MED13L: variants seen among roughly 807,000 people sequenced by gnomAD.
MED13L encodes mediator complex subunit 13L.
Under a neutral mutation model 220.9 loss-of-function variants are expected in MED13L, and 7 were observed. The ratio of observed to expected loss-of-function variants is 0.03; its 90% confidence interval spans 0.02 to 0.06. The LOEUF (loss-of-function observed/expected upper bound fraction) is 0.06. MED13L is among the 10% of genes least tolerant of loss of function. The probability of loss-of-function intolerance (pLI) is 1.00; values close to 1 mark genes in which losing one functional copy is unlikely to be tolerated. For synonymous variants in MED13L, 1,011 were observed against 1,015.2 expected (o/e 1.00, Z 0.08); for missense variants, 1,965 against 2,760.5 (o/e 0.71, Z 6.46).
chr12:116,252,549 T>C (rs925060170), intron 1 of MED13L, among the ~76,000 whole-genome samples: 1 of 151,048 alleles, frequency 6.6e-6, no homozygotes, highest in Non-Finnish European at 1.5e-5. Context: ...AAAATAATAA[T>C]AAAAGGGCAT....
intron 29 of MED13L, 126 bp from the exon 30 acceptor site, chr12:115,963,645 TA>T: frequency 1.4e-6 from 1 of 740,588 alleles, no homozygotes. Context: ...TCTGTGAGTC[TA>T]CAAATTTTAA....
At chr12:116,143,397 G>A (rs1877249036) in intron 2 of MED13L, among the ~76,000 whole-genome samples, 1 of 151,756 alleles carries the variant, frequency 6.6e-6, no homozygotes, top group Non-Finnish European at 1.5e-5. Context: ...CAGAGCCACA[G>A]AAATTTAGCA....
intron 2 of MED13L, among the ~76,000 whole-genome samples, chr12:116,186,572 G>C (rs1170296406): frequency 2.6e-5 from 4 of 152,130 alleles, no homozygotes; most frequent in African/African-American, 7.2e-5. Context: ...GTGACACTAA[G>C]TCCACTATAC....
chr12:115,970,488 G>A, intron 27 of MED13L, 106 bp downstream of exon 27: 8 of 1,181,404 alleles, frequency 6.8e-6, no homozygotes, highest in Non-Finnish European at 8.7e-6. Context: ...ATAGTTCCTG[G>A]GTTGTTTATT....
intron 12 of MED13L, 85 bp from the exon 13 acceptor site, chr12:116,006,078 A>G (rs1879028351): frequency 1.9e-6 from 3 of 1,557,032 alleles, no homozygotes; most frequent in Non-Finnish European, 2.6e-6. Context: ...CTCAATGAAC[A>G]TGACCTGCCT....
chr12:116,062,488 G>GT (rs56251325), intron 4 of MED13L, among the ~76,000 whole-genome samples: 13,746 of 97,376 alleles, frequency 0.14, 1,264 homozygotes, highest in South Asian at 0.2. Flanking sequence ...CTCTCTCTGT[G>GT]TTTTTTTTTT....
At chr12:116,131,987 A>C (rs1003457323) in intron 2 of MED13L, among the ~76,000 whole-genome samples, 2 of 151,998 alleles carry the variant, frequency 1.3e-5, no homozygotes, top group Non-Finnish European at 2.9e-5. Flanking sequence ...CATCTCAAAA[A>C]AAAGAAAAAC....
At chr12:116,116,231 T>C (rs1403063890) in intron 2 of MED13L, among the ~76,000 whole-genome samples, 2 of 152,134 alleles carry the variant, frequency 1.3e-5, no homozygotes, top group East Asian at 3.9e-4. Context: ...CTCAGCCCCC[T>C]ATTCCCCAAC....
intron 1 of MED13L, among the ~76,000 whole-genome samples, chr12:116,239,843 A>C (rs1870455747): frequency 6.6e-6 from 1 of 152,188 alleles, no homozygotes; most frequent in Non-Finnish European, 1.5e-5. Flanking sequence ...TACTTGTATT[A>C]ATACATAGTC....
chr12:116,011,430 TA>T (rs1261269749), intron 9 of MED13L, among the ~76,000 whole-genome samples: 2 of 152,202 alleles, frequency 1.3e-5, no homozygotes, highest in African/African-American at 4.8e-5. Flanking sequence ...TAAAAATGTG[TA>T]AAAGTCAGTA....
intron 2 of MED13L, among the ~76,000 whole-genome samples, chr12:116,159,304 A>G (rs191700975): frequency 4.5e-4 from 69 of 152,348 alleles, no homozygotes; most frequent in African/African-American, 1.6e-3. Flanking sequence ...CATCACAAAA[A>G]CTGTTTCAAT....
intron 16 of MED13L, among the ~76,000 whole-genome samples, chr12:115,995,988 T>C (rs959308126): frequency 3.3e-5 from 5 of 152,224 alleles, no homozygotes; most frequent in African/African-American, 4.8e-5. Flanking sequence ...AAATTTCATT[T>C]AGAAAATAAT....
Position 115,975,150 on chromosome 12 carries a change from ACTT to A in MED13L, c.5731+18_5731+20del, listed in dbSNP as rs1876850649. On this transcript the variant is annotated intron_variant, in intron 25 of 30. Transcript: ENST00000281928. ...CCCTTTTCCTCTGTCTTCTGCAAAT[ACTT>A]CTTCAAAAATTTCTCACCTTTAAGC... 1 of 1,613,514 alleles carries A rather than the reference ACTT, an allele frequency of 6.2e-7. No individual in the cohort carries two copies. The highest frequency in any genetic ancestry group is 2.2e-5 in the East Asian group (1 of 44,864).
intron 2 of MED13L, among the ~76,000 whole-genome samples, chr12:116,180,985 C>T (rs1406279598): frequency 2.1e-5 from 3 of 146,244 alleles, no homozygotes; most frequent in Non-Finnish European, 4.5e-5. Context: ...GGCTGGAGTG[C>T]GGTGGCATGA....
chr12:116,176,856 T>A (rs923319080), intron 2 of MED13L, among the ~76,000 whole-genome samples: 1 of 127,588 alleles, frequency 7.8e-6, no homozygotes, highest in African/African-American at 3.0e-5. Flanking sequence ...GTGGTACATA[T>A]GCAGAATCGA....
Position 116,008,456 on chromosome 12 carries a change from C to G in MED13L, c.1957G>C (p.Gly653Arg), listed in dbSNP as rs2137383701. The G allele has an allele frequency of 1.2e-6, 2 of 1,613,076 alleles. No homozygotes were observed. The highest frequency in any genetic ancestry group is 4.5e-5 in the East Asian group (2 of 44,842). ...DAEFRPPELQGERCDAKMEVN... is the reference protein window; with the variant it reads ...DAEFRPPELQRERCDAKMEVN... ...TCCATTTTGGCATCACATCTCTCACCCTGGAGCTCTGGAGGCCTGAACTCA... is the reference window on the plus strand; with the variant it reads ...TCCATTTTGGCATCACATCTCTCACGCTGGAGCTCTGGAGGCCTGAACTCA... The change falls in exon 10 of 31, where the codon GGT (glycine) becomes CGT (arginine). Residue 653 changes from glycine (G) to arginine (R), a missense_variant. By Grantham distance (125) the Gly-to-Arg change is moderately radical. Around this residue, in one of 10 missense-constraint regions of MED13L, gnomAD observed 818 missense variants for 1,041.2 expected, o/e 0.79. Coordinates refer to ENST00000281928, the MANE Select transcript of MED13L (RefSeq NM_015335.5).
intron 2 of MED13L, among the ~76,000 whole-genome samples, chr12:116,143,300 G>C (rs1471765889): frequency 6.7e-6 from 1 of 149,650 alleles, no homozygotes; most frequent in African/African-American, 2.5e-5. Context: ...TGAATCATTT[G>C]AGCCCAGGGG....
rs571333339 is a variant in MED13L at position 116,139,614 on chromosome 12, G to A, written c.311-28102C>T. Among the ~76,000 whole-genome samples the A allele has an allele frequency of 3.3e-5, 5 of 152,186 alleles. No individual in the cohort carries two copies. In the South Asian group the frequency reaches 8.3e-4, roughly 25 times the overall value. On this transcript the variant is annotated intron_variant, in intron 2 of 30. Coordinates refer to ENST00000281928, the MANE Select transcript of MED13L (RefSeq NM_015335.5). ...TTCCCAATCTGATTTTAAACTCAAG[G>A]GTAGAGAATATGTCGTTTATCTCTT...
At chr12:116,270,083 T>G (rs1258394049) in intron 1 of MED13L, among the ~76,000 whole-genome samples, 1 of 151,726 alleles carries the variant, frequency 6.6e-6, no homozygotes, top group Non-Finnish European at 1.5e-5. Flanking sequence ...AAAACAGGAG[T>G]TCCTAAAGGA....
Sources: gnomAD v4.1 joint callset for allele counts (sites outside exome capture counted in the v4.1 genomes callset) on GRCh38, gnomAD v4.1.1 for gene constraint, gnomAD v4.1.1 regional missense constraint, MANE v1.5 for transcripts, NCBI Gene and HGNC (gene_info 2026-07-23, HGNC 2026-07-21) for gene names.